Variants in GINS4 observed in about 807,000 individuals in gnomAD.
The protein encoded by GINS4 is GINS complex subunit 4.
Under a neutral mutation model 31.1 loss-of-function variants are expected in GINS4, and 20 were observed. The ratio of observed to expected loss-of-function variants is 0.64; its 90% CI spans 0.45 to 0.93. The LOEUF (loss-of-function observed/expected upper bound fraction) is 0.93. Ranked by LOEUF, GINS4 falls within the 40% of genes least tolerant of loss-of-function variation. The pLI, the probability that GINS4 is intolerant of heterozygous loss-of-function variation, is 0.00. For missense variants in GINS4, 245 were observed against 273.9 expected (o/e 0.89, Z 0.75); for synonymous variants, 85 against 97.9 (o/e 0.87, Z 0.78).
chr8:41,541,655 C>T, intron 6 of GINS4, 154 bp from the exon 7 acceptor site: 1 of 635,438 alleles, frequency 1.6e-6, no homozygotes, highest in East Asian at 2.7e-5. Flanking sequence ...GGTTTCCTCC[C>T]TGGTCAGCCA....
intron 2 of GINS4, among the ~76,000 whole-genome samples, chr8:41,536,045 C>T (rs756598904): frequency 3.3e-5 from 5 of 152,118 alleles, no homozygotes; most frequent in Non-Finnish European, 7.3e-5. Flanking sequence ...CCCGGGCTGC[C>T]TGGCAAAGGC....
At chr8:41,530,381 G>A in intron 2 of GINS4, 83 bp downstream of exon 2, 2 of 993,584 alleles carry the variant, frequency 2.0e-6, no homozygotes, top group Admixed American at 2.3e-5. Context: ...CACAAGATGA[G>A]GAAACGGAAT....
At chr8:41,540,645 C>T (rs553172788) in intron 6 of GINS4, among the ~76,000 whole-genome samples, 7 of 152,240 alleles carry the variant, frequency 4.6e-5, no homozygotes, top group Non-Finnish European at 7.3e-5. Flanking sequence ...ACCGGGGGCC[C>T]TGGCTTACAG....
At position 41,543,672 on chromosome 8, in the gene GINS4, G is replaced by C. The variant is rs1806883342; in HGVS notation, c.*1585G>C. On this transcript the variant is annotated 3_prime_UTR_variant, in exon 8 of 8. Coordinates refer to ENST00000276533, the MANE Select transcript of GINS4 (RefSeq NM_032336.3). ...AGGGTAACATTGCTGTCATTTCCAA[G>C]AGAAATCAGTAGGGGAAAGCAAGGG... 6.6e-6 allele frequency: 1 copy of C among 152,006 alleles called. No individual in the cohort carries two copies. 9.4% of individuals were successfully genotyped at this position (152,006 alleles called of 1,614,324 possible). A position where few individuals can be genotyped will look rare whatever the true frequency, so the allele number is the denominator to read the frequency against.
At position 41,530,182 on chromosome 8, in the gene GINS4, A is replaced by G; in HGVS notation, c.-19-2A>G. 9.7e-6 allele frequency: 15 copies of G among 1,549,916 alleles called. No homozygotes were observed. Among genetic ancestry groups the G allele is most frequent in the Non-Finnish European group, 1.2e-5 (13 of 1,122,692 alleles). On this transcript the variant is annotated splice_acceptor_variant, in intron 1 of 7. Transcript: ENST00000276533. LOFTEE classifies it low-confidence loss of function (5UTR_SPLICE). The stretch of plus-strand genomic sequence containing the variant: ...GAGTATTGGTTCTTTCCCTCTCATT[A>G]GGTTCCTGGTTTCAGAGAAGATGAC...
At position 41,541,790 on chromosome 8, in the gene GINS4, A is replaced by G. The variant is rs1302169891; in HGVS notation, c.485-19A>G. ...TGTTGGCCGAGGATTTCCTAATCAC[A>G]TTGTTGTTTTCCTGGCAGTTCCCAA... On this transcript the variant is annotated intron_variant, in intron 6 of 7. Transcript: ENST00000276533. 1 of 1,600,118 alleles carries G rather than the reference A, an allele frequency of 6.2e-7. No individual in the cohort carries two copies. The highest frequency in any genetic ancestry group is 2.2e-5 in the East Asian group (1 of 44,808).
At chr8:41,537,354 TCCTGGGGAAAACTTG>T in intron 4 of GINS4, 61 bp downstream of exon 4, 2 of 1,266,656 alleles carry the variant, frequency 1.6e-6, no homozygotes, top group Non-Finnish European at 2.3e-6. Context: ...AGACTGAATG[TCCTGGGGAAAACTTG>T]GGCTGGGGCC....
chr8:41,536,446 G>A lies in GINS4; in HGVS notation c.183G>A (p.Met61Ile). Residue 61 changes from methionine to isoleucine, a missense_variant and splice_region_variant, in exon 3 of 8, where the codon ATG (methionine) becomes ATA (isoleucine). By Grantham distance (10) the Met-to-Ile change is conservative. Transcript: ENST00000276533. ...VECVMEQLEH[M>I]EENLRRAKRE... ...GTGTCATGGAACAGCTGGAGCACAT[G>A]GTAAGAGTCGCTTGTCTTGGGTTGA... The A allele has an allele frequency of 6.3e-7, 1 of 1,589,058 alleles. No individual in the cohort carries two copies. The highest frequency in any genetic ancestry group is 8.6e-7 in the Non-Finnish European group (1 of 1,157,186).
chr8:41,540,622 G>A (rs538479739), intron 6 of GINS4, among the ~76,000 whole-genome samples: 19 of 152,200 alleles, frequency 1.2e-4, no homozygotes, highest in East Asian at 7.7e-4. Context: ...AGCCCTTACC[G>A]TCGGATCAAC....
rs139988902 is a variant in GINS4 at position 41,541,643 on chromosome 8, C to T, written c.485-166C>T. Among the ~76,000 whole-genome samples the T allele has an allele frequency of 3.5e-4, 54 of 152,252 alleles. No individual in the cohort carries two copies. In the East Asian group the frequency reaches 7.9e-3, roughly 22 times the overall value. Reference sequence around the variant, plus strand: ...GGAAAACAAAAGGCCCAATGCGTGTCCGGTTTCCTCCCTGGTCAGCCACTC... The same window carrying T: ...GGAAAACAAAAGGCCCAATGCGTGTTCGGTTTCCTCCCTGGTCAGCCACTC... On this transcript the variant is annotated intron_variant, in intron 6 of 7. Coordinates refer to ENST00000276533, the MANE Select transcript of GINS4 (RefSeq NM_032336.3).
rs571980534 is a variant in GINS4 at position 41,543,562 on chromosome 8, T to C, written c.*1475T>C. On this transcript the variant is annotated 3_prime_UTR_variant, in exon 8 of 8. Coordinates refer to ENST00000276533, the MANE Select transcript of GINS4 (RefSeq NM_032336.3). The stretch of plus-strand genomic sequence containing the variant: ...TGAATGATCTTTCCTTGAAATGCTA[T>C]AAAAAGCAACCTGCATTCCAGTCTT... 1 of 152,368 alleles carries C rather than the reference T, an allele frequency of 6.6e-6. No homozygotes were observed. Among genetic ancestry groups the C allele is most frequent in the East Asian group, 1.9e-4 (1 of 5,188 alleles). 9.4% of individuals were successfully genotyped at this position (152,368 alleles called of 1,614,324 possible).
intron 5 of GINS4, 23 bp from the exon 6 acceptor site, chr8:41,539,893 C>T (rs748914417): frequency 4.3e-6 from 7 of 1,609,608 alleles, no homozygotes; most frequent in Middle Eastern, 1.7e-4. Context: ...TACACCACAG[C>T]GATTTGAATC....
At chr8:41,533,899 C>T (rs901581354) in intron 2 of GINS4, among the ~76,000 whole-genome samples, 2 of 152,132 alleles carry the variant, frequency 1.3e-5, no homozygotes, top group Non-Finnish European at 2.9e-5. Flanking sequence ...TCTTCCCTCT[C>T]GTGTGTGTCT....
rs1348850388 is a variant in GINS4 at position 41,529,290 on chromosome 8, T to G, written c.-126T>G. On this transcript the variant is annotated 5_prime_UTR_variant, in exon 1 of 8. Transcript: ENST00000276533. ...TGGTCCCGGCAAGTCCTTGAGCAGT[T>G]TGTTCCTCTGTCTTCCCGCTTCCTG... 6.6e-6 allele frequency: 1 copy of G among 152,472 alleles called. No individual in the cohort carries two copies. Among genetic ancestry groups the G allele is most frequent in the Non-Finnish European group, 1.5e-5 (1 of 68,258 alleles). 9.4% of individuals were successfully genotyped at this position (152,472 alleles called of 1,614,324 possible).
intron 5 of GINS4, 52 bp from the exon 6 acceptor site, chr8:41,539,864 T>A: frequency 6.3e-7 from 1 of 1,592,370 alleles, no homozygotes; most frequent in South Asian, 1.1e-5. Context: ...CTGCTAACCT[T>A]GGACGTCCAT....
intron 6 of GINS4, among the ~76,000 whole-genome samples, chr8:41,540,825 G>A (rs1038580283): frequency 5.9e-5 from 9 of 152,214 alleles, no homozygotes; most frequent in Non-Finnish European, 1.3e-4. Context: ...CCCTGCGGTG[G>A]TGGAACAGGG....
At chr8:41,532,965 A>G (rs1312970415) in intron 2 of GINS4, among the ~76,000 whole-genome samples, 3 of 152,240 alleles carry the variant, frequency 2.0e-5, no homozygotes, top group Non-Finnish European at 4.4e-5. Flanking sequence ...CCTGCGGCCC[A>G]GTAGTTCCAC....
intron 2 of GINS4, chr8:41,534,089 T>C (rs545186718): frequency 1.7e-5 from 3 of 178,142 alleles, no homozygotes; most frequent in Admixed American, 5.8e-5. Flanking sequence ...GTAGCAATAA[T>C]GAACAGATTG....
chr8:41,539,843 T>TGCGCTGCTGCCTGC, intron 5 of GINS4, 68 bp downstream of exon 5: 1 of 1,568,092 alleles, frequency 6.4e-7, no homozygotes, highest in South Asian at 1.1e-5. Flanking sequence ...TAGAGGCCTG[T>TGCGCTGCTGCCTGC]GCGCTGCTGC....
Sources: gnomAD v4.1 joint callset for allele counts (sites outside exome capture counted in the v4.1 genomes callset) on GRCh38, gnomAD v4.1.1 for gene constraint, MANE v1.5 for transcripts, NCBI Gene and HGNC (gene_info 2026-07-23, HGNC 2026-07-21) for gene names.